The following LARP1 variants were observed in gnomAD, a reference collection of about 807,000 sequenced individuals.
The protein encoded by LARP1 is la-related protein 1.
In LARP1, 36 loss-of-function variants were observed where a neutral mutation model predicts 122.7. That is an observed-to-expected ratio of 0.29 (90% CI 0.22 to 0.39). The LOEUF (loss-of-function observed/expected upper bound fraction) is 0.39. LARP1 is among the 10% of genes least tolerant of loss of function. LARP1 has a pLI of 1.00. For missense variants in LARP1, 1,040 were observed against 1,403.6 expected (o/e 0.74, Z 4.14); for synonymous variants, 539 against 528.7 (o/e 1.02, Z -0.27).
Position 154,782,766 on chromosome 5 carries a change from T to G in LARP1, c.437-7559T>G, listed in dbSNP as rs189016698. ...TTTCATCCGCAGGTCTAGGGAAATT[T>G]GGGTGGGAGGACTGGGCAGAGAGGC... On this transcript the variant is annotated intron_variant, in intron 1 of 18. Transcript: ENST00000518297. Among the ~76,000 whole-genome samples, 176 of 152,228 alleles carry G rather than the reference T, an allele frequency of 1.2e-3. 2 individuals carry two copies. The highest frequency in any genetic ancestry group is 4.0e-3 in the African/African-American group (168 of 41,542).
chr5:154,781,633 C>T (rs563361730), intron 1 of LARP1, among the ~76,000 whole-genome samples: 1 of 152,218 alleles, frequency 6.6e-6, no homozygotes, highest in African/African-American at 2.4e-5. Context: ...AAATGAGCTA[C>T]TACATGTAAA....
intron 1 of LARP1, among the ~76,000 whole-genome samples, chr5:154,722,883 G>A (rs1755966856): frequency 6.6e-6 from 1 of 152,146 alleles, no homozygotes; most frequent in African/African-American, 2.4e-5. Context: ...GTTTTATCAT[G>A]TTGGCCAGCC....
chr5:154,700,833 T>C (rs1483960441), intron 1 of LARP1, among the ~76,000 whole-genome samples: 1 of 151,984 alleles, frequency 6.6e-6, no homozygotes, highest in Non-Finnish European at 1.5e-5. Context: ...GGCACGTGCC[T>C]GTAATCCCAG....
intron 18 of LARP1, among the ~76,000 whole-genome samples, 168 bp downstream of exon 18, chr5:154,811,808 C>G (rs1561638318): frequency 6.6e-6 from 1 of 152,050 alleles, no homozygotes; most frequent in Non-Finnish European, 1.5e-5. Flanking sequence ...AGTGAGTGGC[C>G]AATGAAGGCT....
At chr5:154,712,124 A>G (rs55849543), upstream of LARP1, among the ~76,000 whole-genome samples, 56,374 of 152,122 alleles carry the variant, frequency 0.37, 11,854 homozygotes, top group Non-Finnish European at 0.49. Context: ...AGAGCCTGAC[A>G]CATAATAGCT....
At position 154,803,339 on chromosome 5, in the gene LARP1, T is replaced by C; in HGVS notation, c.2159T>C (p.Phe720Ser). The change falls in exon 12 of 19, where the codon TTT (phenylalanine) becomes TCT (serine). Residue 720 changes from phenylalanine (F) to serine (S), a missense_variant. Transcript: ENST00000518297. The surrounding 1 kb of genome is among the most constrained non-coding windows in gnomAD (Gnocchi z 4.4). ...KKVNMISREQ[F>S]DTLTPEPPVD... is the part of the protein sequence containing the mutation. The stretch of plus-strand genomic sequence containing the variant: ...GTCAATATGATCAGCCGGGAGCAGT[T>C]TGACACACTGACCCCTGAGCCCCCT... 1 of 1,614,116 alleles carries C rather than the reference T, an allele frequency of 6.2e-7. No individual in the cohort carries two copies. Among genetic ancestry groups the C allele is most frequent in the South Asian group, 1.1e-5 (1 of 91,070 alleles).
intron 1 of LARP1, among the ~76,000 whole-genome samples, chr5:154,776,820 T>A (rs1357961751): frequency 6.6e-6 from 1 of 152,230 alleles, no homozygotes; most frequent in East Asian, 1.9e-4. Context: ...TTTTTCAAAC[T>A]ACCTTCTGCT....
chr5:154,804,223 G>T lies in LARP1; in HGVS notation c.2462G>T (p.Arg821Ile), dbSNP rs1758571750. 6.2e-7 allele frequency: 1 copy of T among 1,613,974 alleles called. No homozygotes were observed. ...CAGATGCCTCGAAAAAGAAAGACAA[G>T]ACACAGTTCAAACCCACCCTTGGAG... ...DAKMPRKRKT[R>I]HSSNPPLESH... is the part of the protein sequence containing the mutation. Residue 821 changes from arginine (R) to isoleucine (I), a missense_variant, in exon 14 of 19, where the codon AGA becomes ATA. Arg to Ile is a moderately conservative substitution (Grantham distance 97). Around this residue, in one of 8 missense-constraint regions of LARP1, gnomAD observed 18 missense variants for 60.2 expected, o/e 0.30. Coordinates refer to ENST00000518297, the MANE Select transcript of LARP1 (RefSeq NM_033551.3).
At chr5:154,779,625 A>G (rs1257620806) in intron 1 of LARP1, among the ~76,000 whole-genome samples, 2 of 150,526 alleles carry the variant, frequency 1.3e-5, no homozygotes, top group South Asian at 2.1e-4. Flanking sequence ...TCTCCTGCCT[A>G]AGCCTCCCGA....
intron 1 of LARP1, among the ~76,000 whole-genome samples, chr5:154,696,755 G>A (rs908489229): frequency 1.3e-5 from 2 of 152,172 alleles, no homozygotes; most frequent in Admixed American, 6.6e-5. Context: ...AAATGACCAA[G>A]GCAGGTATCA....
At chr5:154,690,860 G>A (rs1754164255) in intron 1 of LARP1, among the ~76,000 whole-genome samples, 1 of 152,186 alleles carries the variant, frequency 6.6e-6, no homozygotes, top group Non-Finnish European at 1.5e-5. Context: ...AGGTAAAATA[G>A]ATATAAAAAA....
At chr5:154,703,626 TTTTG>T (rs1355931770) in intron 1 of LARP1, among the ~76,000 whole-genome samples, 63 of 152,034 alleles carry the variant, frequency 4.1e-4, no homozygotes, top group Non-Finnish European at 1.5e-5. Context: ...AAAAACATTT[TTTTG>T]TTTATTTTCA....
intron 1 of LARP1, among the ~76,000 whole-genome samples, chr5:154,770,344 C>G (rs1755298831): frequency 6.6e-6 from 1 of 151,972 alleles, no homozygotes; most frequent in African/African-American, 2.4e-5. Flanking sequence ...TGTCTAGAAG[C>G]TGAATTAGTT....
At chr5:154,733,019 G>A (rs993356087) in intron 1 of LARP1, among the ~76,000 whole-genome samples, 8 of 152,158 alleles carry the variant, frequency 5.3e-5, no homozygotes, top group Non-Finnish European at 7.3e-5. Context: ...CGAAAAAGGT[G>A]AGTGTCTCAT....
At chr5:154,733,763 A>C (rs116427117) in intron 1 of LARP1, among the ~76,000 whole-genome samples, 1 of 152,030 alleles carries the variant, frequency 6.6e-6, no homozygotes, top group African/African-American at 2.4e-5. Context: ...AGATTTTGCC[A>C]CGTTGGCCAG....
chr5:154,713,203 G>A lies in LARP1; in HGVS notation c.205+73G>A, dbSNP rs564488102. On this transcript the variant is annotated intron_variant, in intron 1 of 18. Coordinates refer to the LARP1 transcript ENST00000336314. ...TGGTAGGAAGATCCTTCTCCCTAGG[G>A]GCAGAAACCTTGGGTGCTGGTTCCA... 6,068 of 1,319,590 alleles carry A rather than the reference G, an allele frequency of 4.6e-3. 29 individuals carry two copies. Among genetic ancestry groups the A allele is most frequent in the Non-Finnish European group, 5.9e-3 (5,557 of 948,982 alleles). 81.7% of individuals were successfully genotyped at this position (1,319,590 alleles called of 1,614,324 possible). A position where few individuals can be genotyped will look rare whatever the true frequency, so the allele number is the denominator to read the frequency against.
chr5:154,731,490 A>C (rs1016238938), intron 1 of LARP1, among the ~76,000 whole-genome samples: 1 of 152,168 alleles, frequency 6.6e-6, no homozygotes, highest in South Asian at 2.1e-4. Flanking sequence ...TTCCAGAAGG[A>C]GCACAGTACC....
At chr5:154,747,845 C>G (rs1753281882) in intron 1 of LARP1, among the ~76,000 whole-genome samples, 1 of 151,906 alleles carries the variant, frequency 6.6e-6, no homozygotes, top group African/African-American at 2.4e-5. Context: ...GCCTGGGCGA[C>G]AGAGTGAGAC....
chr5:154,743,979 G>T (rs971533731), intron 1 of LARP1, among the ~76,000 whole-genome samples: 2 of 152,216 alleles, frequency 1.3e-5, no homozygotes, highest in African/African-American at 4.8e-5. Flanking sequence ...GCCTTGCACA[G>T]TGCTGAGTCC....
Sources: allele counts gnomAD v4.1 joint callset (sites outside exome capture counted in the v4.1 genomes callset), GRCh38; gene constraint gnomAD v4.1.1; regional missense constraint gnomAD v4.1.1; non-coding constraint Gnocchi (gnomAD v3.1); transcripts MANE v1.5; gene names NCBI Gene and HGNC (gene_info 2026-07-23, HGNC 2026-07-21).